Variants in SMARCA2 observed in about 807,000 individuals in gnomAD.
SMARCA2 encodes SWI/SNF related BAF chromatin remodeling complex subunit ATPase 2.
Under a neutral mutation model 199.8 loss-of-function variants are expected in SMARCA2, and 61 were observed. The ratio of observed to expected loss-of-function variants is 0.31; its 90% CI spans 0.25 to 0.38. The LOEUF is 0.38. SMARCA2 is among the 10% of genes least tolerant of loss of function. The pLI is 1.00. For missense variants in SMARCA2, 1,344 were observed against 2,012.2 expected (o/e 0.67, Z 6.35); for synonymous variants, 935 against 732.0 (o/e 1.28, Z -4.48).
rs368897344 is a variant in SMARCA2, at chr9:2,182,161, G to A, written c.4380G>A (p.Lys1460=). ...KKIKERIRNH[K]YRSLGDLEKD... is the part of the protein sequence containing the mutation. ...ATCAGGAAAGGATTCGTAATCATAA[G>A]TACCGGAGCCTAGGCGACCTGGAGA... is the stretch of plus-strand genomic sequence containing the variant. Residue 1460 remains lysine, a synonymous_variant, in exon 31 of 34, where the codon AAG becomes AAA. Coordinates refer to ENST00000349721, the MANE Select transcript of SMARCA2 (RefSeq NM_003070.5). 172 of 1,611,366 alleles carry A rather than the reference G, an allele frequency of 1.1e-4. No individual in the cohort carries two copies. Among genetic ancestry groups the A allele is most frequent in the Non-Finnish European group, 1.4e-4 (166 of 1,177,598 alleles).
chr9:2,028,016 A>G (rs757072335), intron 1 of SMARCA2, among the ~76,000 whole-genome samples: 1 of 152,212 alleles, frequency 6.6e-6, no homozygotes, highest in Non-Finnish European at 1.5e-5. Context: ...GGCATTTCCA[A>G]TGGGGATGCC....
chr9:2,054,513 C>G, intron 5 of SMARCA2, 84 bp from the exon 6 acceptor site: 4 of 1,516,518 alleles, frequency 2.6e-6, no homozygotes, highest in Non-Finnish European at 3.6e-6. Flanking sequence ...GGACTTAAAC[C>G]TAATGTCATT....
intron 29 of SMARCA2, among the ~76,000 whole-genome samples, chr9:2,177,836 G>A (rs550646458): frequency 2.0e-5 from 3 of 152,336 alleles, no homozygotes; most frequent in African/African-American, 7.2e-5. Flanking sequence ...ACAGGCATGA[G>A]CCACCGTGCC....
In SMARCA2 at chr9:2,016,629, G is replaced by T. The variant is rs1459617717; in HGVS notation, c.-37+1225G>T. 6.6e-6 allele frequency among the ~76,000 whole-genome samples: 1 copy of T among 151,304 alleles called. No homozygotes were observed. Among genetic ancestry groups the T allele is most frequent in the Non-Finnish European group, 1.5e-5 (1 of 67,748 alleles). ...GACCCGCGCACCACCGGGCAGCGGC[G>T]GTGTGGTTCGCCCGGGAAGGGGAAG... On this transcript the variant is annotated intron_variant, in intron 1 of 33. Transcript: ENST00000349721. This position sits in a 1 kb window ranked among gnomAD's most constrained non-coding sequence, Gnocchi z 5.6.
intron 8 of SMARCA2, among the ~76,000 whole-genome samples, chr9:2,059,886 A>G (rs1820509653): frequency 6.6e-6 from 1 of 152,154 alleles, no homozygotes; most frequent in African/African-American, 2.4e-5. Context: ...TCGTGGCATT[A>G]CATGATAAAA....
In SMARCA2 at chr9:2,056,643, A is replaced by G; in HGVS notation, c.1174-29A>G. ...TCAGGAACCTAGCTTCTGTTAGGGA[A>G]GGCTGTCTAACTGCTCTCTTCTTGA... On this transcript the variant is annotated intron_variant, in intron 6 of 33. Transcript: ENST00000349721. The surrounding 1 kb of genome is among the most constrained non-coding windows in gnomAD (Gnocchi z 4.0). 3 of 1,595,468 alleles carry G rather than the reference A, an allele frequency of 1.9e-6. No individual in the cohort carries two copies. Among genetic ancestry groups the G allele is most frequent in the Non-Finnish European group, 2.6e-6 (3 of 1,171,600 alleles).
At chr9:2,054,202 GAA>G (rs1691093767) in intron 5 of SMARCA2, among the ~76,000 whole-genome samples, 1 of 152,222 alleles carries the variant, frequency 6.6e-6, no homozygotes, top group Non-Finnish European at 1.5e-5. Context: ...AAGTTCGGAA[GAA>G]AAAAGTCTGT....
At position 2,161,829 on chromosome 9, in the gene SMARCA2, A is replaced by G. The variant is rs1238031617; in HGVS notation, c.4125A>G (p.Lys1375=). 1 of 1,613,996 alleles carries G rather than the reference A, an allele frequency of 6.2e-7. No homozygotes were observed. The highest frequency in any genetic ancestry group is 1.3e-5 in the African/African-American group (1 of 74,908). The change falls in exon 28 of 34, where the codon AAA becomes AAG. Residue 1375 remains lysine (K), a synonymous_variant. Coordinates refer to ENST00000349721, the MANE Select transcript of SMARCA2 (RefSeq NM_003070.5). The surrounding 1 kb of genome is among the most constrained non-coding windows in gnomAD (Gnocchi z 4.7). ...KKRRGRPPAE[K]LSPNPPKLTK... The stretch of plus-strand genomic sequence containing the variant: ...GAAGAGGCCGCCCTCCCGCTGAGAA[A>G]CTGTCACCAAATCCCCCCAAACTGA...
At chr9:2,180,608 C>G (rs1826956230) in intron 29 of SMARCA2, among the ~76,000 whole-genome samples, 1 of 152,194 alleles carries the variant, frequency 6.6e-6, no homozygotes, top group South Asian at 2.1e-4. Flanking sequence ...GGGAGTGAGA[C>G]TTTTGTGAAA....
At chr9:2,153,644 A>G (rs1825192530) in intron 27 of SMARCA2, among the ~76,000 whole-genome samples, 2 of 152,172 alleles carry the variant, frequency 1.3e-5, no homozygotes, top group African/African-American at 4.8e-5. Context: ...TACTAAGCAA[A>G]TGCTTATTTT....
chr9:2,111,349 C>T (rs530978619), intron 24 of SMARCA2, among the ~76,000 whole-genome samples: 26 of 151,802 alleles, frequency 1.7e-4, no homozygotes, highest in Admixed American at 7.2e-4. Flanking sequence ...ATTAGCTGGG[C>T]ACAGTGGCAC....
At chr9:2,130,612 C>G (rs993531525) in intron 27 of SMARCA2, among the ~76,000 whole-genome samples, 4 of 152,194 alleles carry the variant, frequency 2.6e-5, no homozygotes, top group Admixed American at 2.6e-4. Context: ...AGTTTTGTAA[C>G]TTTCCTATGG....
intron 23 of SMARCA2, among the ~76,000 whole-genome samples, chr9:2,108,875 G>C (rs965859459): frequency 6.6e-6 from 1 of 152,040 alleles, no homozygotes; most frequent in African/African-American, 2.4e-5. Flanking sequence ...TGATTGTGTC[G>C]GACCTCACCA....
At position 2,023,166 on chromosome 9, in the gene SMARCA2, A is replaced by G. The variant is rs546291570; in HGVS notation, c.-36-5821A>G. Among the ~76,000 whole-genome samples, 42 of 152,326 alleles carry G rather than the reference A, an allele frequency of 2.8e-4. No individual in the cohort carries two copies. In the East Asian group the frequency reaches 7.9e-3, roughly 29 times the overall value. Reference sequence around the variant, plus strand: ...TGGTAATGTTAAGAGCCAGGATCCTATTAAGGCAGTGTCTGAGGTTCATGG... The same window carrying G: ...TGGTAATGTTAAGAGCCAGGATCCTGTTAAGGCAGTGTCTGAGGTTCATGG... On this transcript the variant is annotated intron_variant, in intron 1 of 33. Transcript: ENST00000349721.
chr9:2,176,749 G>A (rs1458173242), intron 29 of SMARCA2, among the ~76,000 whole-genome samples: 2 of 151,124 alleles, frequency 1.3e-5, no homozygotes. Flanking sequence ...GTAGAGATGA[G>A]GTTTCTCCAT....
intron 8 of SMARCA2, 61 bp from the exon 9 acceptor site, chr9:2,060,748 CAGAGTGG>C: frequency 6.9e-7 from 1 of 1,448,954 alleles, no homozygotes; most frequent in Non-Finnish European, 9.6e-7. Flanking sequence ...AAGGGGAGGA[CAGAGTGG>C]AGAGTGGAGT....
rs1458501886 is a variant in SMARCA2 at position 2,060,989 on chromosome 9, G to T, written c.1692+3G>T. The T allele has an allele frequency of 6.2e-7, 1 of 1,612,810 alleles. No homozygotes were observed. Among genetic ancestry groups the T allele is most frequent in the Non-Finnish European group, 8.5e-7 (1 of 1,179,482 alleles). On this transcript the variant is annotated splice_donor_region_variant and intron_variant, in intron 9 of 33. Coordinates refer to ENST00000349721, the MANE Select transcript of SMARCA2 (RefSeq NM_003070.5). ...AGAAGAGGAGGAGGAGGAAGAAGGT[G>T]CGTATCCTAGTGGTGGTGGCTGAGT...
intron 27 of SMARCA2, chr9:2,160,225 TTCC>T: frequency 2.6e-6 from 1 of 377,898 alleles, no homozygotes; most frequent in Non-Finnish European, 4.7e-6. Flanking sequence ...TTTTTTTTTT[TTCC>T]TTTTCCTTTT....
intron 4 of SMARCA2, chr9:2,041,216 T>A: frequency 2.5e-6 from 1 of 397,466 alleles, no homozygotes; most frequent in Non-Finnish European, 4.4e-6. Context: ...CTAAGAGATA[T>A]CCTCATCTTA....
Sources: gnomAD v4.1 joint callset for allele counts (sites outside exome capture counted in the v4.1 genomes callset) on GRCh38, gnomAD v4.1.1 for gene constraint, Gnocchi (gnomAD v3.1) non-coding constraint, MANE v1.5 for transcripts, NCBI Gene and HGNC (gene_info 2026-07-23, HGNC 2026-07-21) for gene names.